KAT6B: variants seen among roughly 807,000 people sequenced by gnomAD.
The protein encoded by KAT6B is lysine acetyltransferase 6B.
A neutral mutation model predicts 187.5 loss-of-function variants in KAT6B; 10 were observed. The observed-to-expected ratio is 0.05, with a 90% CI of 0.03 to 0.09. KAT6B has a LOEUF of 0.09. KAT6B is among the 10% of genes least tolerant of loss of function. KAT6B has a pLI of 1.00. For synonymous variants in KAT6B, 861 were observed against 926.8 expected, an observed-to-expected ratio of 0.93 and a Z score of 1.29; for missense variants, 1,952 against 2,558.9, an observed-to-expected ratio of 0.76 and a Z score of 5.12.
intron 3 of KAT6B, among the ~76,000 whole-genome samples, chr10:74,935,364 A>G (rs1051731788): frequency 1.3e-5 from 2 of 150,954 alleles, no homozygotes; most frequent in African/African-American, 4.9e-5. Flanking sequence ...TTTTTAGAAA[A>G]TGAAAACAAT....
At chr10:74,848,362 C>T (rs368570874) in intron 3 of KAT6B, among the ~76,000 whole-genome samples, 4 of 152,120 alleles carry the variant, frequency 2.6e-5, no homozygotes, top group South Asian at 4.2e-4. Flanking sequence ...TTTTGGCTTG[C>T]GGCGTGGTGG....
chr10:74,996,177 G>A (rs1202178375), intron 13 of KAT6B, among the ~76,000 whole-genome samples: 1 of 152,150 alleles, frequency 6.6e-6, no homozygotes, highest in East Asian at 1.9e-4. Flanking sequence ...TAACCTTATT[G>A]ATTGGGATAC....
intron 3 of KAT6B, among the ~76,000 whole-genome samples, chr10:74,954,480 G>A (rs544691589): frequency 1.1e-4 from 16 of 151,074 alleles, no homozygotes; most frequent in South Asian, 6.3e-4. Flanking sequence ...CAAATGAAGC[G>A]GAAAAAAAAA....
At chr10:75,024,375 A>G (rs774163927) in intron 16 of KAT6B, 12 of 153,748 alleles carry the variant, frequency 7.8e-5, no homozygotes, top group Admixed American at 3.2e-4. Context: ...GCAGCCACCA[A>G]TACTTGACTT....
chr10:75,020,086 A>G (rs1030354345), intron 13 of KAT6B, among the ~76,000 whole-genome samples: 2 of 152,234 alleles, frequency 1.3e-5, no homozygotes, highest in African/African-American at 2.4e-5. Context: ...GTAACAAGCA[A>G]TATAGACTCT....
intron 13 of KAT6B, among the ~76,000 whole-genome samples, chr10:75,011,099 G>A (rs1443246634): frequency 1.3e-5 from 2 of 152,090 alleles, no homozygotes; most frequent in Non-Finnish European, 2.9e-5. Context: ...GGGGAGCCAG[G>A]TATTTAAAAT....
intron 3 of KAT6B, among the ~76,000 whole-genome samples, chr10:74,863,771 A>C (rs1843358463): frequency 6.6e-6 from 1 of 152,222 alleles, no homozygotes; most frequent in Non-Finnish European, 1.5e-5. Context: ...CCTTATTCCT[A>C]TGCCCTGCAG....
chr10:74,957,081 T>C lies in KAT6B; in HGVS notation c.622-2889T>C, dbSNP rs143491356. On this transcript the variant is annotated intron_variant, in intron 3 of 17. Coordinates refer to ENST00000287239, the MANE Select transcript of KAT6B (RefSeq NM_012330.4). ...ACCTTTTTCTGACTGGAATCCATTT[T>C]ACTTTATTATAAGGGATTTTTTTAA... 3.6e-3 allele frequency among the ~76,000 whole-genome samples: 554 copies of C among 152,348 alleles called. 4 individuals carry two copies. Among genetic ancestry groups the C allele is most frequent in the African/African-American group, 0.013 (521 of 41,576 alleles).
chr10:74,864,345 A>G (rs1328100900), intron 3 of KAT6B, among the ~76,000 whole-genome samples: 2 of 152,044 alleles, frequency 1.3e-5, no homozygotes, highest in African/African-American at 4.8e-5. Flanking sequence ...GGTTCAGGCG[A>G]TTCTCCTGCC....
rs186642279 is a variant in KAT6B at position 74,942,719 on chromosome 10, C to G, written c.622-17251C>G. 2.7e-4 allele frequency among the ~76,000 whole-genome samples: 35 copies of G among 130,068 alleles called. No homozygotes were observed. The East Asian group carries it at 8.2e-3, about 31-fold the overall frequency. 85.3% of individuals were successfully genotyped at this position (130,068 alleles called of 152,430 possible). A position where few individuals can be genotyped will look rare whatever the true frequency, so the allele number is the denominator to read the frequency against. Reference sequence around the variant, plus strand: ...GGTGGAGGTTGCAGTGAGCCGAGATCGTGCCATTGCACTCCAGCCTAGGCA... The same window carrying G: ...GGTGGAGGTTGCAGTGAGCCGAGATGGTGCCATTGCACTCCAGCCTAGGCA... On this transcript the variant is annotated intron_variant, in intron 3 of 17. Coordinates refer to ENST00000287239, the MANE Select transcript of KAT6B (RefSeq NM_012330.4).
intron 3 of KAT6B, among the ~76,000 whole-genome samples, chr10:74,901,001 T>C (rs988560593): frequency 6.6e-5 from 10 of 152,166 alleles, no homozygotes; most frequent in Non-Finnish European, 1.5e-4. Context: ...TGTTTATATA[T>C]ATAAAAGATA....
At chr10:74,835,115 G>A (rs560399536) in intron 1 of KAT6B, among the ~76,000 whole-genome samples, 1 of 152,310 alleles carries the variant, frequency 6.6e-6, no homozygotes, top group African/African-American at 2.4e-5. Context: ...ATAATACTAA[G>A]TGGGAAATGA....
chr10:74,997,274 TAAAC>T lies in KAT6B; in HGVS notation c.2629+8166_2629+8169del, dbSNP rs1051971003. ...CTTCTCTCGTCTCTCAATAAATACA[TAAAC>T]AAATAGGCAGAGGACAGGAACACAG... On this transcript the variant is annotated intron_variant, in intron 13 of 17. Transcript: ENST00000287239. Among the ~76,000 whole-genome samples the T allele has an allele frequency of 1.3e-4, 16 of 121,592 alleles. No individual in the cohort carries two copies. The Admixed American group carries it at 1.4e-3, about 11-fold the overall frequency. 79.8% of individuals were successfully genotyped at this position (121,592 alleles called of 152,430 possible). A position where few individuals can be genotyped will look rare whatever the true frequency, so the allele number is the denominator to read the frequency against.
chr10:74,832,804 A>T (rs1840960679), intron 1 of KAT6B, among the ~76,000 whole-genome samples: 2 of 151,638 alleles, frequency 1.3e-5, no homozygotes, highest in South Asian at 4.2e-4. Context: ...CTGGCCTTGT[A>T]TCTCTATTTT....
At chr10:75,028,461 T>TC in intron 17 of KAT6B, 28 bp from the exon 18 acceptor site, 3 of 1,614,124 alleles carry the variant, frequency 1.9e-6, no homozygotes, top group Non-Finnish European at 2.5e-6. Flanking sequence ...CTGTTTTTTT[T>TC]CCTTCCCGTT....
intron 4 of KAT6B, among the ~76,000 whole-genome samples, chr10:74,968,137 C>T (rs894064574): frequency 2.6e-5 from 4 of 152,150 alleles, no homozygotes; most frequent in Non-Finnish European, 4.4e-5. Context: ...CTCCCCTCCC[C>T]GCTTCAGTGT....
intron 3 of KAT6B, among the ~76,000 whole-genome samples, chr10:74,959,270 A>G (rs1053896893): frequency 6.6e-6 from 1 of 152,156 alleles, no homozygotes; most frequent in African/African-American, 2.4e-5. Context: ...AATAATAGCA[A>G]TCTGCGCTGC....
intron 3 of KAT6B, among the ~76,000 whole-genome samples, chr10:74,922,411 G>T (rs532690525): frequency 6.6e-6 from 1 of 151,880 alleles, no homozygotes; most frequent in African/African-American, 2.4e-5. Context: ...TCTCCTAAAA[G>T]AAAGGAAAAA....
chr10:74,939,787 A>T (rs905484789), intron 3 of KAT6B, among the ~76,000 whole-genome samples: 1 of 152,212 alleles, frequency 6.6e-6, no homozygotes, highest in Non-Finnish European at 1.5e-5. Context: ...ATTTGATAAA[A>T]TATGTTGGAA....
Sources: gnomAD v4.1 joint callset for allele counts (sites outside exome capture counted in the v4.1 genomes callset) on GRCh38, gnomAD v4.1.1 for gene constraint, MANE v1.5 for transcripts, NCBI Gene and HGNC (gene_info 2026-07-23, HGNC 2026-07-21) for gene names.